UNC79: variants seen among roughly 807,000 people sequenced by gnomAD.
The protein encoded by UNC79 is unc-79 subunit of NALCN channel complex, also known as protein unc-79 homolog.
In UNC79, 37 loss-of-function variants were observed where a neutral mutation model predicts 283.1. That is an observed-to-expected ratio of 0.13 (90% CI 0.10 to 0.17). UNC79 has a LOEUF of 0.17. Ranked by LOEUF, UNC79 falls within the 10% of genes least tolerant of loss-of-function variation. The pLI is 1.00. For missense variants in UNC79, 2,272 were observed against 3,211.1 expected (o/e 0.71, Z 7.07); for synonymous variants, 1,107 against 1,200.2 (o/e 0.92, Z 1.61).
chr14:93,573,838 C>T (rs2063333492), intron 16 of UNC79, among the ~76,000 whole-genome samples: 1 of 152,186 alleles, frequency 6.6e-6, no homozygotes, highest in African/African-American at 2.4e-5. Context: ...AAGCCCGTCT[C>T]TACAAAAAAT....
rs776432868 is a variant in UNC79, at chr14:93,430,757, G to A, written c.-273G>A. On this transcript the variant is annotated 5_prime_UTR_variant, in exon 1 of 49. Coordinates refer to ENST00000555664, the Ensembl canonical transcript of UNC79. The surrounding 1 kb of genome is among the most constrained non-coding windows in gnomAD (Gnocchi z 4.6). ...TCGGTCTCCCCGCCCACATCAACGC[G>A]GGCAGCTCCAGGAGGGGACGGACAG... 1.6e-5 allele frequency: 6 copies of A among 379,674 alleles called. No individual in the cohort carries two copies. The highest frequency in any genetic ancestry group is 3.6e-5 in the South Asian group (1 of 27,658). The allele number at this position is 379,674 out of a possible 1,614,324, so 23.5% of individuals were successfully genotyped here. A position where few individuals can be genotyped will look rare whatever the true frequency, so the allele number is the denominator to read the frequency against.
intron 1 of UNC79, among the ~76,000 whole-genome samples, chr14:93,423,824 C>G (rs1191498907): frequency 1.3e-5 from 2 of 152,110 alleles, no homozygotes; most frequent in Admixed American, 1.3e-4. Context: ...CTGAGTAATA[C>G]TCCACAGGCA....
chr14:93,508,151 C>A (rs1396679890), intron 7 of UNC79, among the ~76,000 whole-genome samples: 2 of 150,664 alleles, frequency 1.3e-5, no homozygotes, highest in Admixed American at 6.7e-5. Context: ...ATTTTAGAGA[C>A]TTTGCATTTC....
rs535235954 is a variant in UNC79 at position 93,695,890 on chromosome 14, CAAAAAA to C, written c.7548+1493_7548+1498del. 1.8e-4 allele frequency among the ~76,000 whole-genome samples: 7 copies of C among 39,436 alleles called. 1 individual carries two copies. The highest frequency in any genetic ancestry group is 1.1e-3 in the Admixed American group (3 of 2,794). The allele number at this position is 39,436 out of a possible 152,430, so 25.9% of individuals were successfully genotyped here. On this transcript the variant is annotated intron_variant, in intron 47 of 48. Coordinates refer to ENST00000555664, the Ensembl canonical transcript of UNC79. ...TGGGCAACAGGATGAGACTTTGTCT[CAAAAAA>C]AAAAAAAAAAAAAAGCAAACAAAAA...
chr14:93,443,462 C>T (rs1447869859), intron 1 of UNC79, among the ~76,000 whole-genome samples: 9 of 139,440 alleles, frequency 6.5e-5, no homozygotes, highest in African/African-American at 2.1e-4. Flanking sequence ...CTTGCTCTGT[C>T]GCCCAGGCTA....
chr14:93,600,059 G>A (rs2065384821), intron 24 of UNC79, among the ~76,000 whole-genome samples: 1 of 152,086 alleles, frequency 6.6e-6, no homozygotes, highest in Non-Finnish European at 1.5e-5. Flanking sequence ...AATTAGCCGG[G>A]CGTGGTGGCG....
At chr14:93,551,957 T>C (rs2061922420) in intron 14 of UNC79, among the ~76,000 whole-genome samples, 1 of 152,210 alleles carries the variant, frequency 6.6e-6, no homozygotes, top group Non-Finnish European at 1.5e-5. Flanking sequence ...TAGAGACCTG[T>C]AGGGACTAGA....
chr14:93,509,040 T>C (rs1012769190), intron 7 of UNC79, among the ~76,000 whole-genome samples: 4 of 152,232 alleles, frequency 2.6e-5, no homozygotes, highest in Admixed American at 2.6e-4. Context: ...TTTCTGCTTC[T>C]GGGGAGACCT....
At chr14:93,431,146 C>A in intron 1 of UNC79, 95 bp downstream of exon 1, 2 of 177,906 alleles carry the variant, frequency 1.1e-5, no homozygotes, top group South Asian at 3.9e-5. Flanking sequence ...TGGCATTGTG[C>A]TGGTGCGGGG....
intron 1 of UNC79, among the ~76,000 whole-genome samples, chr14:93,454,164 T>A (rs1159268381): frequency 6.6e-6 from 1 of 151,846 alleles, no homozygotes; most frequent in African/African-American, 2.4e-5. Flanking sequence ...CACCTCAGTC[T>A]CCCAAGTAGC....
intron 9 of UNC79, among the ~76,000 whole-genome samples, chr14:93,528,958 C>G (rs2060671148): frequency 6.6e-6 from 1 of 152,022 alleles, no homozygotes; most frequent in Admixed American, 6.6e-5. Context: ...CTGTGGTTTC[C>G]AAACATGACA....
intron 1 of UNC79, among the ~76,000 whole-genome samples, chr14:93,464,754 C>T (rs1036137053): frequency 2.6e-5 from 4 of 152,068 alleles, no homozygotes; most frequent in South Asian, 4.2e-4. Context: ...CCCAATTATT[C>T]GAGCCTCCGC....
In UNC79 at chr14:93,617,373, C is replaced by T. The variant is rs926709390; in HGVS notation, c.4224+69C>T. On this transcript the variant is annotated intron_variant, in intron 28 of 48. Transcript: ENST00000555664. This position sits in a 1 kb window ranked among gnomAD's most constrained non-coding sequence, Gnocchi z 4.5. ...TAGAGAGCATATAGCATTAGGAGAA[C>T]ACCTGAGTCTTTAGTTGAAAATTTT... 38 of 1,484,818 alleles carry T rather than the reference C, an allele frequency of 2.6e-5. No individual in the cohort carries two copies. The highest frequency in any genetic ancestry group is 1.8e-4 in the Middle Eastern group (1 of 5,530). 92.0% of individuals were successfully genotyped at this position (1,484,818 alleles called of 1,614,324 possible). A position where few individuals can be genotyped will look rare whatever the true frequency, so the allele number is the denominator to read the frequency against.
intron 1 of UNC79, among the ~76,000 whole-genome samples, chr14:93,425,119 C>G (rs1007954037): frequency 2.0e-5 from 3 of 152,126 alleles, no homozygotes; most frequent in Admixed American, 1.3e-4. Flanking sequence ...TTAATTGACT[C>G]ACAGCTCCAC....
intron 1 of UNC79, among the ~76,000 whole-genome samples, chr14:93,346,856 A>C (rs1270426682): frequency 6.6e-6 from 1 of 151,904 alleles, no homozygotes; most frequent in Non-Finnish European, 1.5e-5. Context: ...TTAGGAGAGG[A>C]TAGGACACGT....
intron 4 of UNC79, among the ~76,000 whole-genome samples, chr14:93,479,172 TTTCCTTCC>T (rs140666949): frequency 0.076 from 9,155 of 120,576 alleles, 352 homozygotes; most frequent in African/African-American, 0.082. Flanking sequence ...GATGAGGCTG[TTTCCTTCC>T]TTCCTTCCTT....
chr14:93,361,245 AAGAAAAGAAAAGAAG>A (rs1459826868), intron 1 of UNC79, among the ~76,000 whole-genome samples: 20 of 150,204 alleles, frequency 1.3e-4, no homozygotes, highest in Admixed American at 8.0e-4. Flanking sequence ...AAGAAAAGAA[AAGAAAAGAAAAGAAG>A]GAGGCACAAC....
At chr14:93,527,505 G>T (rs1567053462) in intron 8 of UNC79, among the ~76,000 whole-genome samples, 1 of 152,192 alleles carries the variant, frequency 6.6e-6, no homozygotes, top group Non-Finnish European at 1.5e-5. Flanking sequence ...TGTCATCGGG[G>T]AATATATAGT....
At chr14:93,604,824 G>A (rs931342658) in intron 26 of UNC79, 72 bp from the exon 27 acceptor site, 39 of 1,437,766 alleles carry the variant, frequency 2.7e-5, no homozygotes, top group Non-Finnish European at 3.4e-5. Context: ...CATAAAGTTA[G>A]CACTGAGTAT....
Sources: gnomAD v4.1 joint callset for allele counts (sites outside exome capture counted in the v4.1 genomes callset) on GRCh38, gnomAD v4.1.1 for gene constraint, Gnocchi (gnomAD v3.1) non-coding constraint, MANE v1.5 for transcripts, NCBI Gene and HGNC (gene_info 2026-07-23, HGNC 2026-07-21) for gene names.